The following GPD1L variants were observed in gnomAD, a reference collection of about 807,000 sequenced individuals.
GPD1L encodes the protein glycerol-3-phosphate dehydrogenase 1 like.
A neutral mutation model predicts 32.9 loss-of-function variants in GPD1L; 17 were observed. The ratio of observed to expected loss-of-function variants is 0.52; its 90% confidence interval spans 0.35 to 0.78. GPD1L has a LOEUF of 0.78. Among genes scored for constraint, GPD1L ranks in the 30% least tolerant of loss-of-function variants. GPD1L has a pLI of 0.01. For missense variants in GPD1L, 361 were observed against 447.8 expected (o/e 0.81, Z 1.75); for synonymous variants, 187 against 165.9 (o/e 1.13, Z -0.98).
At chr3:32,113,047 T>A (rs929494846) in intron 1 of GPD1L, among the ~76,000 whole-genome samples, 5 of 152,206 alleles carry the variant, frequency 3.3e-5, no homozygotes, top group Admixed American at 2.0e-4. Flanking sequence ...TTCATAAAAA[T>A]GTTGAGTATC....
Position 32,106,926 on chromosome 3 carries a change from G to A in GPD1L, c.47+168G>A, listed in dbSNP as rs1700173078. ...TGGGCACCGTGCGCCCGAGGAGGCC[G>A]CACCGGGGCACTCGCTCGGGAGGCG... On this transcript the variant is annotated intron_variant, in intron 1 of 7. Coordinates refer to ENST00000282541, the MANE Select transcript of GPD1L (RefSeq NM_015141.4). The surrounding 1 kb of genome is among the most constrained non-coding windows in gnomAD (Gnocchi z 4.0). 2 of 494,370 alleles carry A rather than the reference G, an allele frequency of 4.0e-6. No homozygotes were observed. The highest frequency in any genetic ancestry group is 3.2e-6 in the Non-Finnish European group (1 of 314,990). The allele number at this position is 494,370 out of a possible 1,614,324, so 30.6% of individuals were successfully genotyped here. A position where few individuals can be genotyped will look rare whatever the true frequency, so the allele number is the denominator to read the frequency against.
intron 4 of GPD1L, among the ~76,000 whole-genome samples, chr3:32,140,939 A>G (rs566614064): frequency 6.6e-6 from 1 of 152,324 alleles, no homozygotes; most frequent in Admixed American, 6.5e-5. Flanking sequence ...TAGATACATT[A>G]TTCTCACATT....
chr3:32,158,842 T>G (rs769819874), intron 5 of GPD1L, 34 bp from the exon 6 acceptor site: 1 of 1,607,208 alleles, frequency 6.2e-7, no homozygotes, highest in South Asian at 1.1e-5. Flanking sequence ...GTGGGTGCTG[T>G]AACGGCATCT....
Position 32,140,316 on chromosome 3 carries a change from C to A in GPD1L, c.455C>A (p.Ala152Asp). The A allele has an allele frequency of 6.2e-7, 1 of 1,614,110 alleles. No homozygotes were observed. The highest frequency in any genetic ancestry group is 2.2e-5 in the East Asian group (1 of 44,880). The change falls in exon 4 of 8, where the codon GCC becomes GAC. Residue 152 changes from alanine to aspartate, a missense_variant. Coordinates refer to ENST00000282541, the MANE Select transcript of GPD1L (RefSeq NM_015141.4). ...ATTGACATCAGTGTGCTGATGGGAG[C>A]CAACATTGCCAATGAGGTGGCTGCA... ...MGIDISVLMG[A>D]NIANEVAAEK... is the part of the protein sequence containing the mutation.
chr3:32,136,354 G>T (rs139344325), intron 2 of GPD1L, among the ~76,000 whole-genome samples: 1 of 152,336 alleles, frequency 6.6e-6, no homozygotes, highest in Non-Finnish European at 1.5e-5. Context: ...CTGGTTTCTT[G>T]TTGGCTCTGA....
At chr3:32,145,007 A>G (rs539085703) in intron 4 of GPD1L, among the ~76,000 whole-genome samples, 1 of 150,308 alleles carries the variant, frequency 6.7e-6, no homozygotes, top group South Asian at 2.2e-4. Flanking sequence ...CTGGCTTATG[A>G]CTGGTATTAT....
In GPD1L at chr3:32,121,349, C is replaced by T. The variant is rs1700408221; in HGVS notation, c.48-6727C>T. Reference sequence around the variant, plus strand: ...CACCTGCTATGAGTGAGCTTTGCCCCAGGGGCCTTACTGCTGCCGGGAAGG... The same window carrying T: ...CACCTGCTATGAGTGAGCTTTGCCCTAGGGGCCTTACTGCTGCCGGGAAGG... On this transcript the variant is annotated intron_variant, in intron 1 of 7. Coordinates refer to ENST00000282541, the MANE Select transcript of GPD1L (RefSeq NM_015141.4). Among the ~76,000 whole-genome samples the T allele has an allele frequency of 1.3e-5, 2 of 151,570 alleles. 1 individual carries two copies.
chr3:32,157,833 G>C (rs1047882723), intron 5 of GPD1L, among the ~76,000 whole-genome samples: 1 of 152,226 alleles, frequency 6.6e-6, no homozygotes, highest in Non-Finnish European at 1.5e-5. Context: ...AGTTGGCCTA[G>C]ATTGCCAGCC....
intron 1 of GPD1L, among the ~76,000 whole-genome samples, chr3:32,114,001 A>ACAC (rs1448275979): frequency 6.6e-6 from 1 of 152,166 alleles, no homozygotes; most frequent in Non-Finnish European, 1.5e-5. Context: ...CTAGAGGCAC[A>ACAC]CACCACCATG....
At chr3:32,161,396 T>C (rs576884696) in intron 7 of GPD1L, among the ~76,000 whole-genome samples, 7 of 152,202 alleles carry the variant, frequency 4.6e-5, no homozygotes, top group Non-Finnish European at 8.8e-5. Context: ...CTGACATGCA[T>C]GGTTTTCCTT....
At position 32,161,327 on chromosome 3, in the gene GPD1L, C is replaced by T. The variant is rs990746042; in HGVS notation, c.959+1653C>T. ...CCAGCCATGCAGAGATGGAAGTTCACAAACAGGCTGCCAAAGGAGGAGAAC... is the reference window on the plus strand; with the variant it reads ...CCAGCCATGCAGAGATGGAAGTTCATAAACAGGCTGCCAAAGGAGGAGAAC... On this transcript the variant is annotated intron_variant, in intron 7 of 7. Coordinates refer to ENST00000282541, the MANE Select transcript of GPD1L (RefSeq NM_015141.4). Among the ~76,000 whole-genome samples the T allele has an allele frequency of 2.0e-5, 3 of 152,240 alleles. No individual in the cohort carries two copies. The East Asian group carries it at 5.8e-4, about 29-fold the overall frequency.
intron 7 of GPD1L, 30 bp downstream of exon 7, chr3:32,159,704 A>G (rs1203046775): frequency 8.1e-7 from 1 of 1,241,452 alleles, no homozygotes. Flanking sequence ...ATGAGACCAG[A>G]TAAATGTCCA....
At chr3:32,121,048 G>A (rs762006214) in intron 1 of GPD1L, among the ~76,000 whole-genome samples, 2 of 152,076 alleles carry the variant, frequency 1.3e-5, no homozygotes, top group Non-Finnish European at 2.9e-5. Flanking sequence ...GATACTGTGG[G>A]TAAGGTATTT....
chr3:32,136,779 CT>C (rs985852827), intron 2 of GPD1L, among the ~76,000 whole-genome samples: 15 of 151,844 alleles, frequency 9.9e-5, no homozygotes, highest in African/African-American at 3.6e-4. Flanking sequence ...TTTTTTTCCC[CT>C]GTACCATCTC....
chr3:32,148,608 G>A (rs1458327844), intron 5 of GPD1L, among the ~76,000 whole-genome samples: 1 of 152,166 alleles, frequency 6.6e-6, no homozygotes, highest in Non-Finnish European at 1.5e-5. Context: ...TAAGGAAATC[G>A]AGATCCAAAG....
intron 4 of GPD1L, among the ~76,000 whole-genome samples, chr3:32,143,515 G>A (rs1700777629): frequency 6.6e-6 from 1 of 151,074 alleles, no homozygotes; most frequent in Non-Finnish European, 1.5e-5. Context: ...GACAATGAAA[G>A]GCTAAAGGAG....
At chr3:32,161,767 A>T (rs572451823) in intron 7 of GPD1L, among the ~76,000 whole-genome samples, 14 of 152,274 alleles carry the variant, frequency 9.2e-5, no homozygotes, top group African/African-American at 3.4e-4. Flanking sequence ...GTCATGTCCC[A>T]TTTTATTTCT....
In GPD1L at chr3:32,146,664, T is replaced by C; in HGVS notation, c.548T>C (p.Leu183Pro). The C allele has an allele frequency of 6.2e-7, 1 of 1,613,724 alleles. No homozygotes were observed. Among genetic ancestry groups the C allele is most frequent in the Non-Finnish European group, 8.5e-7 (1 of 1,179,600 alleles). The change falls in exon 5 of 8, where the codon CTG becomes CCG. Residue 183 changes from leucine (L) to proline (P), a missense_variant. Leu to Pro is a moderately conservative substitution (Grantham distance 98). Coordinates refer to ENST00000282541, the MANE Select transcript of GPD1L (RefSeq NM_015141.4). ...MENGLLFKEL[L>P]QTPNFRITVV... is the part of the protein sequence containing the mutation. ...AACGGCCTTCTCTTCAAAGAACTTC[T>C]GCAGACTCCAAATTTTCGAATTACC...
chr3:32,154,278 T>C (rs1700958642), intron 5 of GPD1L, among the ~76,000 whole-genome samples: 2 of 152,098 alleles, frequency 1.3e-5, no homozygotes, highest in Admixed American at 1.3e-4. Context: ...AGTAGAAGCT[T>C]TGGGGTGGTC....
Sources: gnomAD v4.1 joint callset for allele counts (sites outside exome capture counted in the v4.1 genomes callset) on GRCh38, gnomAD v4.1.1 for gene constraint, Gnocchi (gnomAD v3.1) non-coding constraint, MANE v1.5 for transcripts, NCBI Gene and HGNC (gene_info 2026-07-23, HGNC 2026-07-21) for gene names.